Variants in ABR observed in about 807,000 individuals in gnomAD.
The protein encoded by ABR is active breakpoint cluster region-related protein.
In ABR, 35 loss-of-function variants were observed where a neutral mutation model predicts 107.2. That is an observed-to-expected ratio of 0.33 (90% confidence interval 0.25 to 0.43). The LOEUF (loss-of-function observed/expected upper bound fraction) is 0.43, where lower values mean the gene tolerates loss of function less well. ABR is among the 20% of genes least tolerant of loss of function. ABR has a pLI of 1.00. For synonymous variants in ABR, 498 were observed against 462.0 expected (o/e 1.08, Z -1.00); for missense variants, 815 against 1,115.2 (o/e 0.73, Z 3.83).
Position 1,070,196 on chromosome 17 carries a change from G to A in ABR, c.895-106C>T, listed in dbSNP as rs141962674. 135 of 1,457,940 alleles carry A rather than the reference G, an allele frequency of 9.3e-5. 2 individuals are homozygous for A. The East Asian group carries it at 9.8e-4, about 11-fold the overall frequency. The allele number at this position is 1,457,940 out of a possible 1,614,324, so 90.3% of individuals were successfully genotyped here. ...GCCAGGGAGGACTGGACCGAGAGGC[G>A]GCATAGCCTGTCATCCCTTAACCAA... On this transcript the variant is annotated intron_variant, in intron 8 of 22. Coordinates refer to ENST00000302538, the MANE Select transcript of ABR (RefSeq NM_021962.5). The surrounding 1 kb of genome is among the most constrained non-coding windows in gnomAD (Gnocchi z 4.2).
At chr17:1,012,127 A>C in intron 18 of ABR, 142 bp from the exon 19 acceptor site, 8 of 1,377,544 alleles carry the variant, frequency 5.8e-6, no homozygotes, top group Non-Finnish European at 8.0e-6. Context: ...CAGGGCAGAG[A>C]AAGAGGCCAC....
intron 10 of ABR, among the ~76,000 whole-genome samples, chr17:1,066,116 C>T (rs190237798): frequency 3.3e-5 from 5 of 152,048 alleles, no homozygotes; most frequent in Admixed American, 1.3e-4. Context: ...TGACCTCAGG[C>T]GATCCACCAT....
At position 1,009,591 on chromosome 17, in the gene ABR, G is replaced by A. The variant is rs955501637; in HGVS notation, c.2342+88C>T. 6 of 1,075,182 alleles carry A rather than the reference G, an allele frequency of 5.6e-6. No individual in the cohort carries two copies. In the African/African-American group the frequency reaches 7.8e-5, roughly 14 times the overall value. The allele number at this position is 1,075,182 out of a possible 1,614,324, so 66.6% of individuals were successfully genotyped here. A position where few individuals can be genotyped will look rare whatever the true frequency, so the allele number is the denominator to read the frequency against. On this transcript the variant is annotated intron_variant, in intron 21 of 22. Coordinates refer to ENST00000302538, the MANE Select transcript of ABR (RefSeq NM_021962.5). Reference sequence around the variant, plus strand: ...CTCCCCGTTACCTTTTCACGAGGAGGGACTGAGGAGGTGGGGTTGGGGCCC... The same window carrying A: ...CTCCCCGTTACCTTTTCACGAGGAGAGACTGAGGAGGTGGGGTTGGGGCCC...
intron 16 of ABR, among the ~76,000 whole-genome samples, chr17:1,035,392 CCCA>C: frequency 7.5e-6 from 1 of 133,180 alleles, no homozygotes; most frequent in African/African-American, 2.8e-5. Context: ...CCTTCCATCC[CCCA>C]CACCTGCTCC....
At chr17:1,061,845 C>A (rs2033974745) in intron 10 of ABR, among the ~76,000 whole-genome samples, 1 of 152,174 alleles carries the variant, frequency 6.6e-6, no homozygotes, top group South Asian at 2.1e-4. Flanking sequence ...CCATGCTGGG[C>A]CCTAACCACC....
chr17:1,145,577 C>T (rs1426583563), intron 1 of ABR, among the ~76,000 whole-genome samples: 1 of 152,320 alleles, frequency 6.6e-6, no homozygotes. Flanking sequence ...TCGGAGCCCC[C>T]CTCCCATCTA....
In ABR at chr17:1,050,809, T is replaced by G. The variant is rs994626591; in HGVS notation, c.1562-175A>C. 2.0e-5 allele frequency among the ~76,000 whole-genome samples: 3 copies of G among 151,834 alleles called. No individual in the cohort carries two copies. Reference sequence around the variant, plus strand: ...ACCATCTGGCTTCTCCCCTGCCCCCTTCTTAGGGGCTCAGCCCTCCCCACC... The same window carrying G: ...ACCATCTGGCTTCTCCCCTGCCCCCGTCTTAGGGGCTCAGCCCTCCCCACC... On this transcript the variant is annotated intron_variant, in intron 14 of 22. Coordinates refer to ENST00000302538, the MANE Select transcript of ABR (RefSeq NM_021962.5). This position sits in a 1 kb window ranked among gnomAD's most constrained non-coding sequence, Gnocchi z 4.6.
chr17:1,115,064 C>A (rs2038921058), intron 2 of ABR, among the ~76,000 whole-genome samples: 1 of 152,180 alleles, frequency 6.6e-6, no homozygotes, highest in Non-Finnish European at 1.5e-5. Flanking sequence ...TCAGGTCACA[C>A]AAGGCCTTGA....
chr17:1,012,587 T>G, intron 18 of ABR, 101 bp downstream of exon 18: 2 of 850,206 alleles, frequency 2.4e-6, no homozygotes, highest in Non-Finnish European at 3.9e-6. Context: ...GGTAACTGAT[T>G]AGGTGCCAGG....
At chr17:1,057,521 G>A (rs898727486) in intron 12 of ABR, among the ~76,000 whole-genome samples, 9 of 152,008 alleles carry the variant, frequency 5.9e-5, no homozygotes, top group Admixed American at 4.6e-4. Context: ...GGGATTACAG[G>A]TGCCCACCAC....
At chr17:1,161,694 A>G (rs1033240924) in intron 1 of ABR, among the ~76,000 whole-genome samples, 3 of 151,904 alleles carry the variant, frequency 2.0e-5, no homozygotes, top group Non-Finnish European at 2.9e-5. Flanking sequence ...AGCTAGGATT[A>G]CAGGCGTGTA....
At chr17:1,015,737 C>T (rs1484407872) in intron 16 of ABR, among the ~76,000 whole-genome samples, 3 of 152,102 alleles carry the variant, frequency 2.0e-5, no homozygotes, top group African/African-American at 7.2e-5. Flanking sequence ...GGATTACAGG[C>T]GTGAGCCACC....
intron 1 of ABR, among the ~76,000 whole-genome samples, chr17:1,177,604 C>T (rs926146121): frequency 5.3e-5 from 8 of 152,166 alleles, no homozygotes; most frequent in East Asian, 3.9e-4. Context: ...GTATGGAAGA[C>T]TTGGAAATGA....
intron 17 of ABR, 144 bp downstream of exon 17, chr17:1,012,958 GGGC>G (rs2070756145): frequency 9.1e-7 from 1 of 1,094,912 alleles, no homozygotes; most frequent in Non-Finnish European, 1.4e-6. Flanking sequence ...GGCAGGGTGT[GGGC>G]AGGAGGGGAG....
intron 2 of ABR, among the ~76,000 whole-genome samples, chr17:1,110,846 C>A (rs1016158903): frequency 6.6e-6 from 1 of 152,182 alleles, no homozygotes; most frequent in Non-Finnish European, 1.5e-5. Flanking sequence ...CACCCATCTC[C>A]TTCCAGCCCC....
At chr17:1,139,470 T>C (rs2040208094) in intron 1 of ABR, among the ~76,000 whole-genome samples, 1 of 152,052 alleles carries the variant, frequency 6.6e-6, no homozygotes, top group African/African-American at 2.4e-5. Context: ...GCCAAGATGG[T>C]CTCCATCTCC....
chr17:1,187,881 G>A (rs8070197), upstream of ABR, among the ~76,000 whole-genome samples: 75,001 of 150,852 alleles, frequency 0.5, 22,808 homozygotes, highest in Non-Finnish European at 0.69. Context: ...GTGCGACAGA[G>A]TGAGGCTCCC....
At chr17:1,176,094 G>C (rs1332985862) in intron 1 of ABR, among the ~76,000 whole-genome samples, 1 of 149,464 alleles carries the variant, frequency 6.7e-6, no homozygotes, top group Non-Finnish European at 1.5e-5. Context: ...GAGACTCCGT[G>C]TCAAAAAAAA....
chr17:1,104,317 G>A (rs151057806), intron 2 of ABR, among the ~76,000 whole-genome samples: 10 of 152,336 alleles, frequency 6.6e-5, no homozygotes, highest in East Asian at 3.9e-4. Context: ...GAGATAAGGC[G>A]TGGCCAGCTC....
Sources: gnomAD v4.1 joint callset for allele counts (sites outside exome capture counted in the v4.1 genomes callset) on GRCh38, gnomAD v4.1.1 for gene constraint, Gnocchi (gnomAD v3.1) non-coding constraint, MANE v1.5 for transcripts, NCBI Gene and HGNC (gene_info 2026-07-23, HGNC 2026-07-21) for gene names.